DLG2: variants seen among roughly 807,000 people sequenced by gnomAD.
DLG2 encodes discs large MAGUK scaffold protein 2.
In DLG2, 45 loss-of-function variants were observed where a neutral mutation model predicts 132.5. The observed-to-expected ratio is 0.34, with a 90% confidence interval of 0.27 to 0.44. The LOEUF is 0.44. Ranked by LOEUF, DLG2 falls within the 20% of genes least tolerant of loss-of-function variation. The pLI is 1.00. For missense variants in DLG2, 1,045 were observed against 1,196.9 expected (o/e 0.87, Z 1.87); for synonymous variants, 424 against 419.6 (o/e 1.01, Z -0.13).
At chr11:84,002,279 A>C (rs2094388961) in intron 11 of DLG2, among the ~76,000 whole-genome samples, 1 of 152,276 alleles carries the variant, frequency 6.6e-6, no homozygotes, top group African/African-American at 2.4e-5. Context: ...TAACTTCCCA[A>C]GACTGGGATC....
At chr11:84,420,869 C>T (rs1159997995) in intron 7 of DLG2, among the ~76,000 whole-genome samples, 2 of 151,632 alleles carry the variant, frequency 1.3e-5, no homozygotes, top group African/African-American at 4.8e-5. Context: ...GGGGTTTCAC[C>T]GTTTTAGCCA....
chr11:84,728,449 C>T (rs1297227623), intron 6 of DLG2, among the ~76,000 whole-genome samples: 5 of 152,096 alleles, frequency 3.3e-5, no homozygotes, highest in East Asian at 1.9e-4. Context: ...CCAACTTGAT[C>T]GTGGTGGATA....
Position 84,985,480 on chromosome 11 carries a change from T to C in DLG2, c.357+126181A>G, listed in dbSNP as rs184315916. The stretch of plus-strand genomic sequence containing the variant: ...AACTTCTGGGATACAGCAAAGGTGG[T>C]GCTAAGAGGAAAATTCATAGCCCTA... On this transcript the variant is annotated intron_variant, in intron 6 of 27. Transcript: ENST00000376104. Among the ~76,000 whole-genome samples, 148 of 152,166 alleles carry C rather than the reference T, an allele frequency of 9.7e-4. 1 individual carries two copies. The highest frequency in any genetic ancestry group is 3.3e-3 in the African/African-American group (139 of 41,498).
At chr11:85,490,233 A>G (rs2093525656) in intron 3 of DLG2, among the ~76,000 whole-genome samples, 1 of 152,152 alleles carries the variant, frequency 6.6e-6, no homozygotes, top group Non-Finnish European at 1.5e-5. Flanking sequence ...ATGAAAATGA[A>G]AACACAAACA....
At chr11:83,772,906 G>A (rs1400597288) in intron 18 of DLG2, among the ~76,000 whole-genome samples, 1 of 152,110 alleles carries the variant, frequency 6.6e-6, no homozygotes, top group Non-Finnish European at 1.5e-5. Flanking sequence ...TGGGATCAAT[G>A]GAGACGAAGA....
At chr11:84,106,195 T>G (rs1322262891) in intron 9 of DLG2, among the ~76,000 whole-genome samples, 1 of 152,180 alleles carries the variant, frequency 6.6e-6, no homozygotes, top group African/African-American at 2.4e-5. Flanking sequence ...GTCTGTTGGT[T>G]GGCAAATAAT....
intron 3 of DLG2, among the ~76,000 whole-genome samples, chr11:85,431,530 G>A (rs1053444518): frequency 6.6e-6 from 1 of 152,232 alleles, no homozygotes; most frequent in African/African-American, 2.4e-5. Context: ...AGTTCCCAGG[G>A]GAAGGCAGCC....
At chr11:84,840,063 T>A (rs2080411289) in intron 6 of DLG2, among the ~76,000 whole-genome samples, 1 of 152,020 alleles carries the variant, frequency 6.6e-6, no homozygotes, top group African/African-American at 2.4e-5. Context: ...ACCTACAGAA[T>A]GGGAGAAAAT....
intron 7 of DLG2, among the ~76,000 whole-genome samples, chr11:84,431,529 T>C (rs1045052000): frequency 2.6e-5 from 4 of 152,166 alleles, no homozygotes; most frequent in Admixed American, 2.6e-4. Flanking sequence ...TTAATTCATT[T>C]CATAATGTTA....
At chr11:83,912,738 A>T (rs1397269283) in intron 15 of DLG2, among the ~76,000 whole-genome samples, 1 of 152,168 alleles carries the variant, frequency 6.6e-6, no homozygotes, top group Non-Finnish European at 1.5e-5. Context: ...GTATGTGTAC[A>T]TTGCAAAGTT....
At chr11:85,488,226 T>C (rs781406717) in intron 3 of DLG2, among the ~76,000 whole-genome samples, 1 of 151,952 alleles carries the variant, frequency 6.6e-6, no homozygotes, top group South Asian at 2.1e-4. Flanking sequence ...CCATCTCTAC[T>C]AAAAATACAA....
intron 6 of DLG2, among the ~76,000 whole-genome samples, chr11:85,000,587 G>A (rs1212731375): frequency 1.3e-5 from 2 of 152,052 alleles, no homozygotes; most frequent in African/African-American, 2.4e-5. Flanking sequence ...CATTTTTTAG[G>A]ATCTGGCCTA....
intron 21 of DLG2, among the ~76,000 whole-genome samples, chr11:83,484,710 A>C: frequency 6.6e-6 from 1 of 152,150 alleles, no homozygotes; most frequent in East Asian, 1.9e-4. Flanking sequence ...AAAACGCTTT[A>C]TTGGAGAAAC....
At chr11:84,205,285 A>T (rs1482164139) in intron 8 of DLG2, among the ~76,000 whole-genome samples, 3 of 152,238 alleles carry the variant, frequency 2.0e-5, no homozygotes, top group Non-Finnish European at 2.9e-5. Context: ...ACAAATCTAC[A>T]AATATATTTG....
chr11:83,807,563 C>A (rs545961294), intron 17 of DLG2, among the ~76,000 whole-genome samples: 1 of 151,912 alleles, frequency 6.6e-6, no homozygotes, highest in Admixed American at 6.6e-5. Flanking sequence ...AGTGAATGCT[C>A]AGTAAATAAT....
At chr11:83,723,305 A>G (rs1165155444) in intron 18 of DLG2, among the ~76,000 whole-genome samples, 1 of 152,148 alleles carries the variant, frequency 6.6e-6, no homozygotes, top group Non-Finnish European at 1.5e-5. Context: ...GCTTAAACCC[A>G]GGAGGCGGAG....
intron 7 of DLG2, among the ~76,000 whole-genome samples, chr11:84,489,322 T>G (rs941081141): frequency 2.0e-5 from 3 of 152,120 alleles, no homozygotes; most frequent in African/African-American, 7.2e-5. Flanking sequence ...ATAGGCAACT[T>G]TATTTGTACA....
intron 3 of DLG2, among the ~76,000 whole-genome samples, chr11:85,524,091 T>G (rs930482047): frequency 6.6e-6 from 1 of 151,876 alleles, no homozygotes; most frequent in Non-Finnish European, 1.5e-5. Context: ...CTGGGAAGGG[T>G]AGTGAAGTGT....
intron 6 of DLG2, among the ~76,000 whole-genome samples, chr11:84,781,676 A>T (rs2071802727): frequency 6.6e-6 from 1 of 152,138 alleles, no homozygotes; most frequent in Non-Finnish European, 1.5e-5. Context: ...AGACCCTCTG[A>T]CAACCGCAGT....
Sources: allele counts gnomAD v4.1 joint callset (sites outside exome capture counted in the v4.1 genomes callset), GRCh38; gene constraint gnomAD v4.1.1; transcripts MANE v1.5; gene names NCBI Gene and HGNC (gene_info 2026-07-23, HGNC 2026-07-21).